ZNF148: variants seen among roughly 807,000 people sequenced by gnomAD.
The protein encoded by ZNF148 is zinc finger protein 148, also known as Beta-Enolase Repressor Factor-1.
In ZNF148, 7 loss-of-function variants were observed where a neutral mutation model predicts 67.7. The ratio of observed to expected loss-of-function variants is 0.10; its 90% CI spans 0.06 to 0.19. The LOEUF (loss-of-function observed/expected upper bound fraction) is 0.19, where lower values mean the gene tolerates loss of function less well. Ranked by LOEUF, ZNF148 falls within the 10% of genes least tolerant of loss-of-function variation. The probability of loss-of-function intolerance (pLI) is 1.00; values close to 1 mark genes in which losing one functional copy is unlikely to be tolerated. For synonymous variants in ZNF148, 333 were observed against 330.7 expected (o/e 1.01, Z -0.08); for missense variants, 583 against 947.1 (o/e 0.62, Z 5.05).
At chr3:125,318,600 C>T (rs1212339604) in intron 3 of ZNF148, among the ~76,000 whole-genome samples, 1 of 152,102 alleles carries the variant, frequency 6.6e-6, no homozygotes, top group Non-Finnish European at 1.5e-5. Context: ...CTCTGAGCTC[C>T]CTGTGAAGAC....
chr3:125,345,791 G>A (rs1298190426), intron 1 of ZNF148, among the ~76,000 whole-genome samples: 5 of 151,858 alleles, frequency 3.3e-5, no homozygotes, highest in African/African-American at 1.2e-4. Flanking sequence ...TAACCCCATA[G>A]CCATTAAATA....
chr3:125,251,857 A>G (rs1936854956), intron 7 of ZNF148, among the ~76,000 whole-genome samples: 1 of 152,216 alleles, frequency 6.6e-6, no homozygotes, highest in Admixed American at 6.5e-5. Flanking sequence ...GTGTATGTTC[A>G]GTCTCCACAG....
intron 1 of ZNF148, among the ~76,000 whole-genome samples, chr3:125,337,622 T>C (rs1941551066): frequency 6.6e-6 from 1 of 152,116 alleles, no homozygotes; most frequent in Admixed American, 6.5e-5. Flanking sequence ...GAAACCACCA[T>C]ATTCTGATAA....
intron 1 of ZNF148, among the ~76,000 whole-genome samples, chr3:125,353,856 G>A (rs62273076): frequency 0.1 from 15,223 of 152,102 alleles, 930 homozygotes; most frequent in Admixed American, 0.15. Flanking sequence ...GGAAGATCAC[G>A]TGAGCCTAGG....
At chr3:125,351,959 G>T (rs1219559032) in intron 1 of ZNF148, among the ~76,000 whole-genome samples, 1 of 152,176 alleles carries the variant, frequency 6.6e-6, no homozygotes, top group Non-Finnish European at 1.5e-5. Flanking sequence ...AAATGGTAAA[G>T]CTGCTTTGAA....
At chr3:125,308,744 A>G (rs747981953) in intron 4 of ZNF148, among the ~76,000 whole-genome samples, 1 of 152,174 alleles carries the variant, frequency 6.6e-6, no homozygotes, top group Non-Finnish European at 1.5e-5. Flanking sequence ...CCCACAAGAA[A>G]TAAGACTTAC....
intron 4 of ZNF148, among the ~76,000 whole-genome samples, chr3:125,290,296 A>G (rs552236258): frequency 1.3e-5 from 2 of 152,148 alleles, no homozygotes; most frequent in South Asian, 4.2e-4. Context: ...GCCACTCCCT[A>G]TGCCGGTTCT....
At chr3:125,244,550 G>C (rs1204798498) in intron 7 of ZNF148, among the ~76,000 whole-genome samples, 1 of 151,674 alleles carries the variant, frequency 6.6e-6, no homozygotes, top group South Asian at 2.1e-4. Flanking sequence ...CAGGCTGGAG[G>C]ACAATGGTGC....
At chr3:125,323,914 G>A (rs1940900839) in intron 2 of ZNF148, among the ~76,000 whole-genome samples, 1 of 150,608 alleles carries the variant, frequency 6.6e-6, no homozygotes, top group Non-Finnish European at 1.5e-5. Context: ...AGCCAAGATT[G>A]CGCCACTGCA....
intron 1 of ZNF148, among the ~76,000 whole-genome samples, chr3:125,351,158 G>A (rs943068123): frequency 2.0e-5 from 3 of 152,022 alleles, no homozygotes; most frequent in Non-Finnish European, 4.4e-5. Flanking sequence ...AGTGAGCTGT[G>A]ATTGCACCAC....
rs1242870439 is a variant in ZNF148 at position 125,279,149 on chromosome 3, T to A, written c.558A>T (p.Leu186Phe). The A allele has an allele frequency of 1.9e-6, 3 of 1,607,206 alleles. No homozygotes were observed. In the South Asian group the frequency reaches 3.4e-5, roughly 18 times the overall value. The change falls in exon 6 of 9, where the codon TTA (leucine) becomes TTT (phenylalanine). Residue 186 changes from leucine (L) to phenylalanine (F), a missense_variant. Around this residue, in one of 5 missense-constraint regions of ZNF148, gnomAD observed 25 missense variants for 142.0 expected, o/e 0.18. Coordinates refer to ENST00000360647, the MANE Select transcript of ZNF148 (RefSeq NM_021964.3). ...CTGTATGAATGAAGACATGTCTCTGTAAGTGATAGTTCGTTCTAAAGGCAG... is the reference window on the plus strand; with the variant it reads ...CTGTATGAATGAAGACATGTCTCTGAAAGTGATAGTTCGTTCTAAAGGCAG... ...CNAAFRTNYH[L>F]QRHVFIHTGE...
intron 2 of ZNF148, among the ~76,000 whole-genome samples, chr3:125,326,786 ACAT>A (rs902387525): frequency 6.8e-6 from 1 of 147,638 alleles, no homozygotes; most frequent in African/African-American, 2.5e-5. Context: ...TTATATACAT[ACAT>A]CAAGATATCT....
chr3:125,330,006 T>C (rs1941214409), intron 2 of ZNF148, among the ~76,000 whole-genome samples: 1 of 152,200 alleles, frequency 6.6e-6, no homozygotes, highest in African/African-American at 2.4e-5. Context: ...CTTTTTTCGA[T>C]GTTATAACAT....
At chr3:125,371,449 G>A (rs1942882272) in intron 1 of ZNF148, among the ~76,000 whole-genome samples, 1 of 150,274 alleles carries the variant, frequency 6.7e-6, no homozygotes, top group South Asian at 2.1e-4. Context: ...GACAGATCAT[G>A]AGGTCAGGAG....
chr3:125,268,251 A>AAG (rs1553811412), intron 7 of ZNF148, among the ~76,000 whole-genome samples: 1 of 150,718 alleles, frequency 6.6e-6, no homozygotes, highest in Non-Finnish European at 1.5e-5. Flanking sequence ...AAAAAAAAAA[A>AAG]CAGCCCCAAA....
chr3:125,226,892 T>C lies in ZNF148; in HGVS notation c.*5449A>G, dbSNP rs1935661037. On this transcript the variant is annotated 3_prime_UTR_variant, in exon 9 of 9. Transcript: ENST00000360647. ...ATCTCTTTTTATTTAACACTGAAAATTTCAATGTGATAAGTTTCATTGCAA... is the reference window on the plus strand; with the variant it reads ...ATCTCTTTTTATTTAACACTGAAAACTTCAATGTGATAAGTTTCATTGCAA... The C allele has an allele frequency of 6.6e-6, 1 of 152,156 alleles. No individual in the cohort carries two copies. Among genetic ancestry groups the C allele is most frequent in the African/African-American group, 2.4e-5 (1 of 41,434 alleles). The allele number at this position is 152,156 out of a possible 1,614,324, so 9.4% of individuals were successfully genotyped here. A position where few individuals can be genotyped will look rare whatever the true frequency, so the allele number is the denominator to read the frequency against.
chr3:125,242,519 G>A (rs1936412735), intron 7 of ZNF148, among the ~76,000 whole-genome samples: 1 of 152,174 alleles, frequency 6.6e-6, no homozygotes, highest in African/African-American at 2.4e-5. Flanking sequence ...TACTTGGGAG[G>A]CTGAAGCAGG....
chr3:125,371,706 T>C (rs1053328430), intron 1 of ZNF148, among the ~76,000 whole-genome samples: 1 of 149,670 alleles, frequency 6.7e-6, no homozygotes, highest in East Asian at 2.0e-4. Context: ...GAAAAAACAT[T>C]CAAGGGTCAT....
chr3:125,332,085 T>C (rs80108050), intron 1 of ZNF148, among the ~76,000 whole-genome samples: 3,611 of 152,298 alleles, frequency 0.024, 80 homozygotes, highest in Non-Finnish European at 0.039. Context: ...TTTCTAGAAA[T>C]TGATAATCTC....
Sources: allele counts gnomAD v4.1 joint callset (sites outside exome capture counted in the v4.1 genomes callset), GRCh38; gene constraint gnomAD v4.1.1; regional missense constraint gnomAD v4.1.1; transcripts MANE v1.5; gene names NCBI Gene and HGNC (gene_info 2026-07-23, HGNC 2026-07-21).